Variants in CAMKMT observed in about 807,000 individuals in gnomAD.
CAMKMT encodes calmodulin-lysine N-methyltransferase.
In CAMKMT, 53 loss-of-function variants were observed where a neutral mutation model predicts 48.0. The observed-to-expected ratio is 1.10, with a 90% confidence interval of 0.89 to 1.39. CAMKMT has a LOEUF of 1.39. CAMKMT is among the 40% of genes most tolerant of loss of function. The pLI is 0.00. For synonymous variants in CAMKMT, 165 were observed against 152.3 expected (o/e 1.08, Z -0.61); for missense variants, 428 against 402.7 (o/e 1.06, Z -0.54).
At chr2:44,533,886 A>G (rs1666621585) in intron 3 of CAMKMT, among the ~76,000 whole-genome samples, 1 of 152,232 alleles carries the variant, frequency 6.6e-6, no homozygotes, top group African/African-American at 2.4e-5. Flanking sequence ...TATCAATAAT[A>G]CCCTCAAATG....
intron 3 of CAMKMT, among the ~76,000 whole-genome samples, chr2:44,698,620 CT>C (rs1030075418): frequency 6.6e-6 from 1 of 152,186 alleles, no homozygotes; most frequent in African/African-American, 2.4e-5. Context: ...GAGTTGTCAT[CT>C]TTTTGCTGGC....
chr2:44,622,064 T>G (rs1199671030), intron 3 of CAMKMT, among the ~76,000 whole-genome samples: 1 of 152,160 alleles, frequency 6.6e-6, no homozygotes, highest in Non-Finnish European at 1.5e-5. Flanking sequence ...ATAAGGCAGA[T>G]AGTGGTTTAA....
intron 3 of CAMKMT, among the ~76,000 whole-genome samples, chr2:44,441,175 A>G (rs1276909711): frequency 6.6e-6 from 1 of 152,144 alleles, no homozygotes; most frequent in African/African-American, 2.4e-5. Flanking sequence ...ATATATGTTT[A>G]TATGCCAAGT....
intron 3 of CAMKMT, among the ~76,000 whole-genome samples, chr2:44,671,696 A>G (rs900765246): frequency 6.6e-6 from 1 of 152,104 alleles, no homozygotes; most frequent in Non-Finnish European, 1.5e-5. Context: ...GGTGTGAAGT[A>G]TTGTCAGCTG....
intron 3 of CAMKMT, among the ~76,000 whole-genome samples, chr2:44,524,405 G>A (rs1355122407): frequency 6.6e-6 from 1 of 152,070 alleles, no homozygotes; most frequent in African/African-American, 2.4e-5. Flanking sequence ...ATTAAGAATG[G>A]GAACATTTCT....
At chr2:44,551,361 G>A (rs1454667814) in intron 3 of CAMKMT, among the ~76,000 whole-genome samples, 5 of 152,152 alleles carry the variant, frequency 3.3e-5, no homozygotes, top group African/African-American at 1.2e-4. Flanking sequence ...TTATGCATAA[G>A]ATTGGAAGGA....
intron 3 of CAMKMT, among the ~76,000 whole-genome samples, chr2:44,688,046 A>T (rs1254013377): frequency 6.6e-6 from 1 of 152,256 alleles, no homozygotes; most frequent in Admixed American, 6.5e-5. Context: ...TGTAATTTAC[A>T]TCTACAATGG....
intron 3 of CAMKMT, among the ~76,000 whole-genome samples, chr2:44,501,814 T>A (rs1362044503): frequency 6.8e-6 from 1 of 146,804 alleles, no homozygotes; most frequent in Non-Finnish European, 1.5e-5. Flanking sequence ...GGAGTTGGAG[T>A]TGAAGGTTGC....
chr2:44,591,713 G>T (rs1346329481), intron 3 of CAMKMT, among the ~76,000 whole-genome samples: 1 of 151,148 alleles, frequency 6.6e-6, no homozygotes, highest in African/African-American at 2.4e-5. Context: ...CCATTACTGG[G>T]TATATACCCA....
intron 3 of CAMKMT, among the ~76,000 whole-genome samples, chr2:44,470,855 C>G (rs886699625): frequency 1.3e-5 from 2 of 151,884 alleles, no homozygotes; most frequent in South Asian, 4.1e-4. Context: ...GCATTTTTTT[C>G]TATTGTAAAT....
chr2:44,720,160 G>C (rs1007350784), intron 7 of CAMKMT, among the ~76,000 whole-genome samples: 1 of 152,136 alleles, frequency 6.6e-6, no homozygotes, highest in Non-Finnish European at 1.5e-5. Flanking sequence ...AGCTATTTTT[G>C]ATAGAGTTAT....
chr2:44,517,685 G>C (rs964230526), intron 3 of CAMKMT, among the ~76,000 whole-genome samples: 19 of 152,070 alleles, frequency 1.2e-4, no homozygotes, highest in African/African-American at 4.3e-4. Context: ...AGGCCAAATT[G>C]GTAACCCTAA....
intron 3 of CAMKMT, among the ~76,000 whole-genome samples, chr2:44,437,773 G>A (rs1202281945): frequency 1.3e-5 from 2 of 149,296 alleles, no homozygotes; most frequent in African/African-American, 4.9e-5. Context: ...TTGAGCCCAG[G>A]AGTTTGAAGC....
At chr2:44,582,446 GC>G (rs1669616823) in intron 3 of CAMKMT, among the ~76,000 whole-genome samples, 1 of 152,178 alleles carries the variant, frequency 6.6e-6, no homozygotes, top group Non-Finnish European at 1.5e-5. Flanking sequence ...ACTCAGTTGT[GC>G]CTGGTAAGCT....
intron 3 of CAMKMT, among the ~76,000 whole-genome samples, chr2:44,579,624 T>A (rs917828519): frequency 7.2e-5 from 11 of 152,226 alleles, no homozygotes; most frequent in Non-Finnish European, 2.9e-5. Context: ...GGTTTGCCCT[T>A]TCTCTCCTGA....
chr2:44,489,856 G>A (rs368026051), intron 3 of CAMKMT, among the ~76,000 whole-genome samples: 1 of 152,040 alleles, frequency 6.6e-6, no homozygotes, highest in East Asian at 1.9e-4. Flanking sequence ...CTAATATAAG[G>A]AGAACTACTT....
chr2:44,413,037 C>T (rs1683317114), intron 3 of CAMKMT, among the ~76,000 whole-genome samples: 1 of 151,474 alleles, frequency 6.6e-6, no homozygotes, highest in South Asian at 2.1e-4. Context: ...GATTGTGCCA[C>T]CACACTCCAG....
intron 3 of CAMKMT, among the ~76,000 whole-genome samples, chr2:44,411,048 G>A (rs928180792): frequency 6.6e-6 from 1 of 152,154 alleles, no homozygotes; most frequent in Admixed American, 6.5e-5. Flanking sequence ...AGTGTTATCA[G>A]AAATGGCCTT....
intron 3 of CAMKMT, among the ~76,000 whole-genome samples, chr2:44,451,288 A>G (rs1667274320): frequency 6.6e-6 from 1 of 152,084 alleles, no homozygotes; most frequent in African/African-American, 2.4e-5. Flanking sequence ...ATGTACATGT[A>G]TTACAGTAGA....
Sources: allele counts gnomAD v4.1 joint callset (sites outside exome capture counted in the v4.1 genomes callset), GRCh38; gene constraint gnomAD v4.1.1; transcripts MANE v1.5; gene names NCBI Gene and HGNC (gene_info 2026-07-23, HGNC 2026-07-21).